SATL1: variants seen among roughly 807,000 people sequenced by gnomAD.
SATL1 encodes spermidine/spermine N1-acetyl transferase like 1.
In SATL1, 47 loss-of-function variants were observed where a neutral mutation model predicts 51.8. The ratio of observed to expected loss-of-function variants is 0.91; its 90% CI spans 0.72 to 1.16. The LOEUF (loss-of-function observed/expected upper bound fraction) is 1.16. Among genes scored for constraint, SATL1 ranks in the 50% most tolerant of loss-of-function variants. The pLI is 0.00. For synonymous variants in SATL1, 176 were observed against 182.4 expected, an observed-to-expected ratio of 0.97 and a Z score of 0.28; for missense variants, 520 against 526.4, an observed-to-expected ratio of 0.99 and a Z score of 0.12.
chrX:85,120,543 C>T (rs1321105288), intron 2 of SATL1, among the ~76,000 whole-genome samples: 2 of 111,785 alleles, frequency 1.8e-5, no homozygotes, highest in African/African-American at 6.5e-5. Flanking sequence ...GTTAGAGGAA[C>T]TGCATTTCCA....
chrX:85,174,479 CA>C (rs1927046723), intron 2 of SATL1, among the ~76,000 whole-genome samples: 1 of 109,817 alleles, frequency 9.1e-6, no homozygotes, highest in African/African-American at 3.3e-5. Context: ...ACCACCACCA[CA>C]CCTGGCTAAT....
intron 2 of SATL1, among the ~76,000 whole-genome samples, chrX:85,172,149 C>T (rs970710940): frequency 2.7e-5 from 3 of 111,238 alleles, no homozygotes; most frequent in African/African-American, 9.8e-5. Context: ...CTCCTTCAAA[C>T]CCTCTGGAAC....
intron 2 of SATL1, among the ~76,000 whole-genome samples, chrX:85,145,954 T>C (rs1016683612): frequency 9.3e-6 from 1 of 107,428 alleles, no homozygotes; most frequent in Non-Finnish European, 1.9e-5. Flanking sequence ...TGGAGTGCAG[T>C]GGCACGATCT....
chrX:85,211,183 G>C (rs1473423967), intron 2 of SATL1: 1 of 111,870 alleles, frequency 8.9e-6, no homozygotes, highest in Non-Finnish European at 1.9e-5. Flanking sequence ...AAATACATTT[G>C]ATTTCAAAAT....
intron 2 of SATL1, among the ~76,000 whole-genome samples, chrX:85,178,118 C>G (rs1013791617): frequency 3.7e-4 from 41 of 111,603 alleles, no homozygotes; most frequent in African/African-American, 1.3e-3. Flanking sequence ...TCCTTTAACT[C>G]TGTGATCTCA....
chrX:85,155,838 G>C (rs550477768), intron 2 of SATL1, among the ~76,000 whole-genome samples: 2 of 111,208 alleles, frequency 1.8e-5, no homozygotes, highest in African/African-American at 6.5e-5. Context: ...ACAAAATGAA[G>C]TTAAAATTAC....
At chrX:85,153,420 G>C (rs1369971306) in intron 2 of SATL1, among the ~76,000 whole-genome samples, 1 of 111,390 alleles carries the variant, frequency 9.0e-6, no homozygotes, top group Admixed American at 9.6e-5. Context: ...GCAAAATGCT[G>C]ACAATTTAAA....
chrX:85,224,293 C>T lies in SATL1; in HGVS notation c.-401G>A, dbSNP rs1928232388. ...CTCCCTTTTCACATCATCTTCTCCT[C>T]TGTGTGTGTCTATGTCTCCTCTTCT... On this transcript the variant is annotated 5_prime_UTR_variant, in exon 2 of 8. Coordinates refer to ENST00000644105, the MANE Select transcript of SATL1 (RefSeq NM_001367857.2). 9.0e-6 allele frequency: 1 copy of T among 110,630 alleles called. No homozygotes were observed. The highest frequency in any genetic ancestry group is 1.9e-5 in the Non-Finnish European group (1 of 52,819). The allele number at this position is 110,630 out of a possible 1,213,427, so 9.1% of individuals were successfully genotyped here.
chrX:85,139,420 C>T (rs1193013935), intron 2 of SATL1, among the ~76,000 whole-genome samples: 4 of 111,506 alleles, frequency 3.6e-5, no homozygotes, highest in Admixed American at 1.9e-4. Flanking sequence ...GAGGTACATG[C>T]TCTGTTATTC....
At chrX:85,153,641 C>T (rs1248120174) in intron 2 of SATL1, 1 of 111,688 alleles carries the variant, frequency 9.0e-6, no homozygotes, top group African/African-American at 3.3e-5. Flanking sequence ...GGTTGAGTAA[C>T]AATGAAATGT....
At position 85,215,360 on chromosome X, in the gene SATL1, T is replaced by C. The variant is rs973580156; in HGVS notation, c.-313+8845A>G. On this transcript the variant is annotated intron_variant, in intron 2 of 7. Transcript: ENST00000644105. ...TTAGCGCCTGGCTTCCATTTAGTCA[T>C]GGTAATCTCTTTAGCAAGTGGTAGT... Among the ~76,000 whole-genome samples the C allele has an allele frequency of 6.3e-5, 7 of 110,910 alleles. No homozygotes were observed. In the East Asian group the frequency reaches 1.1e-3, roughly 18 times the overall value.
chrX:85,210,594 A>G (rs1927898209), intron 2 of SATL1: 1 of 110,219 alleles, frequency 9.1e-6, no homozygotes. Context: ...TTCTTGCCTG[A>G]TAAGAGAAAG....
At position 85,144,603 on chromosome X, in the gene SATL1, A is replaced by G. The variant is rs182221991; in HGVS notation, c.-312-35323T>C. Among the ~76,000 whole-genome samples the G allele has an allele frequency of 4.1e-4, 46 of 112,269 alleles. 1 individual carries two copies. The highest frequency in any genetic ancestry group is 1.5e-3 in the African/African-American group (46 of 30,917). On this transcript the variant is annotated intron_variant, in intron 2 of 7. Coordinates refer to ENST00000644105, the MANE Select transcript of SATL1 (RefSeq NM_001367857.2). ...TATAGGTCCTGTGACTTGACTCGTAAGAAAGGTTCCTACTGAGTTTCAGAC... is the reference window on the plus strand; with the variant it reads ...TATAGGTCCTGTGACTTGACTCGTAGGAAAGGTTCCTACTGAGTTTCAGAC...
intron 2 of SATL1, among the ~76,000 whole-genome samples, chrX:85,121,718 T>C (rs932148501): frequency 1.6e-4 from 17 of 107,509 alleles, no homozygotes; most frequent in Non-Finnish European, 3.3e-4. Context: ...AAATTCTATG[T>C]GGGGGTGGGG....
rs139676467 is a variant in SATL1 at position 85,162,223 on chromosome X, T to C, written c.-312-52943A>G. Among the ~76,000 whole-genome samples the C allele has an allele frequency of 1.1e-3, 118 of 111,438 alleles. 1 individual carries two copies. Among genetic ancestry groups the C allele is most frequent in the African/African-American group, 3.6e-3 (110 of 30,720 alleles). Reference sequence around the variant, plus strand: ...ACGATAAAAAGTTAGAAAGGTCTCATGTTAAAAACCTAACATCACATCTAA... The same window carrying C: ...ACGATAAAAAGTTAGAAAGGTCTCACGTTAAAAACCTAACATCACATCTAA... On this transcript the variant is annotated intron_variant, in intron 2 of 7. Transcript: ENST00000644105.
At chrX:85,176,461 C>T (rs1391421245) in intron 2 of SATL1, among the ~76,000 whole-genome samples, 1 of 111,231 alleles carries the variant, frequency 9.0e-6, no homozygotes, top group Non-Finnish European at 1.9e-5. Flanking sequence ...CAGACAAATG[C>T]CTACTAAGAG....
chrX:85,101,957 C>T (rs1164180194), intron 4 of SATL1, among the ~76,000 whole-genome samples: 2 of 109,198 alleles, frequency 1.8e-5, no homozygotes, highest in East Asian at 5.7e-4. Context: ...ATATGAGGTA[C>T]CTAGAATAGA....
chrX:85,103,980 A>G, intron 3 of SATL1, 65 bp from the exon 4 acceptor site: 1 of 851,602 alleles, frequency 1.2e-6, no homozygotes, highest in Non-Finnish European at 1.7e-6. Context: ...GATAATCATC[A>G]TAAAATTTGT....
chrX:85,231,005 T>C (rs1928370894), intron 1 of SATL1, among the ~76,000 whole-genome samples: 1 of 111,641 alleles, frequency 9.0e-6, no homozygotes, highest in South Asian at 3.8e-4. Flanking sequence ...GAAGTTCCTT[T>C]AAAAACTAAA....
Sources: gnomAD v4.1 joint callset for allele counts (sites outside exome capture counted in the v4.1 genomes callset) on GRCh38, gnomAD v4.1.1 for gene constraint, MANE v1.5 for transcripts, NCBI Gene and HGNC (gene_info 2026-07-23, HGNC 2026-07-21) for gene names.